R3HDM2: variants seen among roughly 807,000 people sequenced by gnomAD.
R3HDM2 encodes the protein R3H domain containing 2.
In R3HDM2, 38 loss-of-function variants were observed where a neutral mutation model predicts 124.5. The observed-to-expected ratio is 0.31, with a 90% CI of 0.24 to 0.40. The LOEUF is 0.40. Among genes scored for constraint, R3HDM2 ranks in the 10% least tolerant of loss-of-function variants. The pLI, the probability that R3HDM2 is intolerant of heterozygous loss-of-function variation, is 1.00. For synonymous variants in R3HDM2, 391 were observed against 448.0 expected, an observed-to-expected ratio of 0.87 and a Z score of 1.61; for missense variants, 869 against 1,236.9, an observed-to-expected ratio of 0.70 and a Z score of 4.46.
At chr12:57,326,473 T>C (rs2057325519) in intron 2 of R3HDM2, among the ~76,000 whole-genome samples, 2 of 152,206 alleles carry the variant, frequency 1.3e-5, no homozygotes, top group Non-Finnish European at 2.9e-5. Flanking sequence ...TTCTCTTCAA[T>C]TCTATGAAGG....
At chr12:57,379,712 T>A (rs991891759) in intron 2 of R3HDM2, among the ~76,000 whole-genome samples, 3 of 152,146 alleles carry the variant, frequency 2.0e-5, no homozygotes, top group Admixed American at 1.3e-4. Flanking sequence ...AAATAAGCTA[T>A]TGGCCACAAA....
chr12:57,262,020 G>A (rs113774839), intron 19 of R3HDM2, among the ~76,000 whole-genome samples: 62 of 152,166 alleles, frequency 4.1e-4, no homozygotes, highest in Middle Eastern at 6.8e-3. Flanking sequence ...TGGCAGAATT[G>A]TTTTTCATTT....
At chr12:57,257,797 A>C (rs1176170666) in intron 21 of R3HDM2, among the ~76,000 whole-genome samples, 193 bp downstream of exon 21, 1 of 152,252 alleles carries the variant, frequency 6.6e-6, no homozygotes, top group Non-Finnish European at 1.5e-5. Context: ...GGCTAAAGAA[A>C]GTTAAGCATG....
At chr12:57,332,410 CAAA>C (rs10653446) in intron 2 of R3HDM2, among the ~76,000 whole-genome samples, 5 of 60,692 alleles carry the variant, frequency 8.2e-5, no homozygotes, top group East Asian at 6.1e-4. Flanking sequence ...GACCCTGTCT[CAAA>C]AAAAAAAAAA....
intron 2 of R3HDM2, among the ~76,000 whole-genome samples, chr12:57,353,750 A>G (rs1267084460): frequency 6.6e-6 from 1 of 152,192 alleles, no homozygotes; most frequent in African/African-American, 2.4e-5. Flanking sequence ...TAGAGCAGGT[A>G]TAAAAAATCA....
chr12:57,296,662 G>A lies in R3HDM2; in HGVS notation c.561-111C>T. 1 of 1,136,752 alleles carries A rather than the reference G, an allele frequency of 8.8e-7. No homozygotes were observed. The highest frequency in any genetic ancestry group is 1.2e-6 in the Non-Finnish European group (1 of 809,966). 70.4% of individuals were successfully genotyped at this position (1,136,752 alleles called of 1,614,324 possible). A position where few individuals can be genotyped will look rare whatever the true frequency, so the allele number is the denominator to read the frequency against. ...AGTGGAAAGTTTCTTAGGAGAAATA[G>A]ACATATTATAAGGAATATAGATATT... On this transcript the variant is annotated intron_variant, in intron 8 of 23. Transcript: ENST00000402412. The surrounding 1 kb of genome is among the most constrained non-coding windows in gnomAD (Gnocchi z 4.5).
At chr12:57,325,012 G>T (rs1277307798) in intron 2 of R3HDM2, among the ~76,000 whole-genome samples, 1 of 152,218 alleles carries the variant, frequency 6.6e-6, no homozygotes, top group Non-Finnish European at 1.5e-5. Flanking sequence ...TGTGAAGACA[G>T]AGAGAAGGTG....
chr12:57,333,790 C>T (rs1019543025), intron 2 of R3HDM2, among the ~76,000 whole-genome samples: 3 of 152,044 alleles, frequency 2.0e-5, no homozygotes, highest in African/African-American at 7.2e-5. Context: ...TGCCTGTAAT[C>T]CCAGCACTTT....
At chr12:57,259,089 C>A (rs564430558) in intron 19 of R3HDM2, 30 bp from the exon 20 acceptor site, 1 of 1,598,404 alleles carries the variant, frequency 6.3e-7, no homozygotes, top group South Asian at 1.1e-5. Context: ...CAGTTGGTTA[C>A]AAATTCCAAC....
rs186920080 is a variant in R3HDM2, at chr12:57,419,906, C to G, written c.-106+10814G>C. 4.2e-4 allele frequency among the ~76,000 whole-genome samples: 64 copies of G among 151,444 alleles called. 1 individual carries two copies. The East Asian group carries it at 0.011, about 27-fold the overall frequency. On this transcript the variant is annotated intron_variant, in intron 1 of 23. Coordinates refer to ENST00000402412, the MANE Select transcript of R3HDM2 (RefSeq NM_001394031.1). ...TCTCTCAACAGCTATTCGAACTTGC[C>G]TCTCTTCTCAAGGCCCCTATTCAAC...
chr12:57,282,137 C>T (rs570554159), intron 13 of R3HDM2, among the ~76,000 whole-genome samples: 73 of 151,964 alleles, frequency 4.8e-4, no homozygotes, highest in Admixed American at 1.1e-3. Context: ...TGGTGAAACC[C>T]CATCTCTACT....
chr12:57,260,516 G>A (rs2040517856), intron 19 of R3HDM2, among the ~76,000 whole-genome samples: 1 of 152,032 alleles, frequency 6.6e-6, no homozygotes, highest in South Asian at 2.1e-4. Flanking sequence ...TGAAAAGCAA[G>A]GTAAAGAGTC....
intron 1 of R3HDM2, among the ~76,000 whole-genome samples, chr12:57,422,250 A>G (rs770245864): frequency 9.2e-5 from 14 of 151,836 alleles, no homozygotes; most frequent in East Asian, 5.8e-4. Context: ...CCAAATTGCT[A>G]TAAGAGATAT....
At chr12:57,427,689 G>A (rs530240914) in intron 1 of R3HDM2, among the ~76,000 whole-genome samples, 5 of 151,806 alleles carry the variant, frequency 3.3e-5, no homozygotes, top group African/African-American at 4.8e-5. Context: ...TATATAATAC[G>A]TTATAGGTTG....
chr12:57,426,435 T>C (rs1428512679), intron 1 of R3HDM2, among the ~76,000 whole-genome samples: 2 of 152,164 alleles, frequency 1.3e-5, no homozygotes, highest in African/African-American at 4.8e-5. Context: ...TTAAAGTTTT[T>C]AAGCTCAACT....
At chr12:57,331,680 C>T (rs946809508) in intron 2 of R3HDM2, among the ~76,000 whole-genome samples, 2 of 151,704 alleles carry the variant, frequency 1.3e-5, no homozygotes, top group African/African-American at 4.8e-5. Context: ...TTTGGGAGGC[C>T]GAGGTGGGTG....
intron 1 of R3HDM2, among the ~76,000 whole-genome samples, chr12:57,407,028 T>C (rs1709867): frequency 0.97 from 148,354 of 152,206 alleles, 72,420 homozygotes; most frequent in Middle Eastern, 1. Context: ...GCGGGCGGAT[T>C]GCTTGCGGTC....
chr12:57,362,729 T>A (rs1482824732), intron 2 of R3HDM2, among the ~76,000 whole-genome samples: 2 of 152,246 alleles, frequency 1.3e-5, no homozygotes, highest in Admixed American at 1.3e-4. Context: ...TTTATTATTT[T>A]TGTTTTGAAC....
In R3HDM2 at chr12:57,333,242, C is replaced by T. The variant is rs1394651433; in HGVS notation, c.-35-22779G>A. ...AAAGATGGAAAACATGGAAGCTACC[C>T]CCAGCTATTCCTCTATCTCCAGACC... On this transcript the variant is annotated intron_variant, in intron 2 of 23. Transcript: ENST00000402412. Among the ~76,000 whole-genome samples the T allele has an allele frequency of 3.3e-5, 5 of 152,014 alleles. No homozygotes were observed. In the East Asian group the frequency reaches 9.6e-4, roughly 29 times the overall value.
Sources: gnomAD v4.1 joint callset for allele counts (sites outside exome capture counted in the v4.1 genomes callset) on GRCh38, gnomAD v4.1.1 for gene constraint, Gnocchi (gnomAD v3.1) non-coding constraint, MANE v1.5 for transcripts, NCBI Gene and HGNC (gene_info 2026-07-23, HGNC 2026-07-21) for gene names.